Variants in EDA observed in about 807,000 individuals in gnomAD.
EDA encodes the protein ectodysplasin A.
EDA carries 2 observed loss-of-function variants against 23.6 expected under a neutral mutation model. The observed-to-expected ratio is 0.08, with a 90% CI of 0.03 to 0.27. EDA has a LOEUF of 0.27. Ranked by LOEUF, EDA falls within the 10% of genes least tolerant of loss-of-function variation. The probability of loss-of-function intolerance (pLI) is 1.00; values close to 1 mark genes in which losing one functional copy is unlikely to be tolerated. For synonymous variants in EDA, 131 were observed against 132.0 expected (o/e 0.99, Z 0.05); for missense variants, 229 against 324.2 (o/e 0.71, Z 2.26).
chrX:69,914,037 C>A (rs2018306494), intron 1 of EDA, among the ~76,000 whole-genome samples: 1 of 111,863 alleles, frequency 8.9e-6, no homozygotes, highest in Non-Finnish European at 1.9e-5. Flanking sequence ...CTGATCACAG[C>A]TCATTATAAC....
At chrX:69,830,266 T>C (rs958870914) in intron 1 of EDA, among the ~76,000 whole-genome samples, 2 of 112,144 alleles carry the variant, frequency 1.8e-5, no homozygotes, top group African/African-American at 6.5e-5. Context: ...AAAGCCAGAA[T>C]GACTCCTTGT....
At chrX:70,014,673 A>G (rs761592767) in intron 2 of EDA, among the ~76,000 whole-genome samples, 9 of 112,368 alleles carry the variant, frequency 8.0e-5, no homozygotes, top group Non-Finnish European at 1.5e-4. Context: ...CTACAATAAA[A>G]TGATACAGGA....
chrX:69,784,391 C>G (rs1286739218), intron 1 of EDA, among the ~76,000 whole-genome samples: 1 of 95,842 alleles, frequency 1.0e-5, no homozygotes, highest in African/African-American at 3.9e-5. Context: ...AATGGTAATG[C>G]CTAGGTTTTC....
intron 1 of EDA, among the ~76,000 whole-genome samples, chrX:69,682,525 G>T (rs1934402983): frequency 8.9e-6 from 1 of 112,256 alleles, no homozygotes; most frequent in South Asian, 3.7e-4. Flanking sequence ...ATCTCCTCGT[G>T]CGCCGTTTTT....
At chrX:69,645,054 C>T (rs1390853481) in intron 1 of EDA, among the ~76,000 whole-genome samples, 3 of 111,014 alleles carry the variant, frequency 2.7e-5, no homozygotes, top group Non-Finnish European at 3.8e-5. Context: ...ATTGGCCTAA[C>T]GTTTTCTTTT....
chrX:69,865,220 T>C (rs2017465706), intron 1 of EDA, among the ~76,000 whole-genome samples: 1 of 110,431 alleles, frequency 9.1e-6, no homozygotes, highest in Non-Finnish European at 1.9e-5. Context: ...ATTTAAAAAA[T>C]GAATAAAGCC....
intron 1 of EDA, among the ~76,000 whole-genome samples, chrX:69,677,958 T>G (rs1189736959): frequency 8.9e-6 from 1 of 111,899 alleles, no homozygotes; most frequent in Non-Finnish European, 1.9e-5. Context: ...GTTTTAGGTC[T>G]AACATTTAAG....
At chrX:69,783,505 T>G (rs1275443616) in intron 1 of EDA, among the ~76,000 whole-genome samples, 2 of 104,816 alleles carry the variant, frequency 1.9e-5, no homozygotes, top group East Asian at 6.2e-4. Flanking sequence ...TTCTCATTGT[T>G]CAATTCCCAC....
intron 1 of EDA, among the ~76,000 whole-genome samples, chrX:69,902,418 T>A (rs2147644372): frequency 9.0e-6 from 1 of 111,386 alleles, no homozygotes; most frequent in East Asian, 2.8e-4. Flanking sequence ...CTATTGATTC[T>A]TTGTCCTGCT....
chrX:69,735,377 G>C (rs2013216013), intron 1 of EDA, among the ~76,000 whole-genome samples: 1 of 111,852 alleles, frequency 8.9e-6, no homozygotes, highest in African/African-American at 3.2e-5. Flanking sequence ...CTACAGCATG[G>C]ATGGGCTTTG....
At chrX:69,673,946 G>T (rs1490705337) in intron 1 of EDA, among the ~76,000 whole-genome samples, 1 of 111,540 alleles carries the variant, frequency 9.0e-6, no homozygotes, top group East Asian at 2.8e-4. Context: ...CTTTGGACAT[G>T]GTCACATTCC....
intron 1 of EDA, among the ~76,000 whole-genome samples, chrX:69,822,904 T>A (rs1423006185): frequency 1.1e-5 from 1 of 91,249 alleles, no homozygotes; most frequent in Non-Finnish European, 2.1e-5. Context: ...TGTCCATGTG[T>A]TCTCATTGTT....
chrX:69,677,159 C>A (rs1353520834), intron 1 of EDA, among the ~76,000 whole-genome samples: 4 of 103,774 alleles, frequency 3.9e-5, no homozygotes, highest in African/African-American at 1.1e-4. Flanking sequence ...GACATGAACT[C>A]ATCCTTTTTT....
intron 1 of EDA, among the ~76,000 whole-genome samples, chrX:69,791,137 C>A (rs1324546282): frequency 9.0e-6 from 1 of 111,569 alleles, no homozygotes; most frequent in Non-Finnish European, 1.9e-5. Flanking sequence ...CACCCTGCTT[C>A]AACAAATATC....
At chrX:70,010,635 T>C (rs781148587) in intron 2 of EDA, among the ~76,000 whole-genome samples, 1 of 112,040 alleles carries the variant, frequency 8.9e-6, no homozygotes, top group East Asian at 2.8e-4. Context: ...TGGATTAATA[T>C]CTATCATTGT....
At chrX:69,714,222 T>TA (rs1419609793) in intron 1 of EDA, among the ~76,000 whole-genome samples, 3 of 111,501 alleles carry the variant, frequency 2.7e-5, no homozygotes, top group African/African-American at 9.7e-5. Flanking sequence ...CCTCTTTAGT[T>TA]AAGTGTCTCT....
At chrX:69,842,404 G>T (rs190267456) in intron 1 of EDA, among the ~76,000 whole-genome samples, 2 of 111,439 alleles carry the variant, frequency 1.8e-5, no homozygotes, top group Non-Finnish European at 3.8e-5. Context: ...AATAATAATA[G>T]AAATAAAGTG....
chrX:69,621,077 T>G, intron 1 of EDA: 1 of 232,198 alleles, frequency 4.3e-6, no homozygotes, highest in Non-Finnish European at 8.0e-6. Flanking sequence ...TGCAAAAAGC[T>G]TCCTGTAATA....
chrX:69,927,864 T>C (rs1358082903), intron 1 of EDA, among the ~76,000 whole-genome samples: 1 of 111,320 alleles, frequency 9.0e-6, no homozygotes, highest in East Asian at 2.8e-4. Flanking sequence ...TCCCTTTGTT[T>C]CCAATTCCAT....
Sources: allele counts gnomAD v4.1 joint callset (sites outside exome capture counted in the v4.1 genomes callset), GRCh38; gene constraint gnomAD v4.1.1; transcripts MANE v1.5; gene names NCBI Gene and HGNC (gene_info 2026-07-23, HGNC 2026-07-21).